Variants in LRRK1 observed in about 807,000 individuals in gnomAD.
LRRK1 encodes the protein leucine rich repeat kinase 1.
LRRK1 carries 113 observed loss-of-function variants against 209.1 expected under a neutral mutation model. The ratio of observed to expected loss-of-function variants is 0.54; its 90% confidence interval spans 0.46 to 0.63. LRRK1 has a LOEUF of 0.63. Among genes scored for constraint, LRRK1 ranks in the 30% least tolerant of loss-of-function variants. The pLI is 0.00. For synonymous variants in LRRK1, 1,144 were observed against 1,099.7 expected, an observed-to-expected ratio of 1.04 and a Z score of -0.80; for missense variants, 2,284 against 2,632.2, an observed-to-expected ratio of 0.87 and a Z score of 2.89.
rs150299857 is a variant in LRRK1 at position 101,062,203 on chromosome 15, C to T, written c.4798-371C>T. On this transcript the variant is annotated intron_variant, in intron 30 of 33. Coordinates refer to ENST00000388948, the MANE Select transcript of LRRK1 (RefSeq NM_024652.6). Reference sequence around the variant, plus strand: ...AGGAAAGCAAGGGCTCTGCCTAAAGCATGCTGTCTCACATGGGAAGAACAG... The same window carrying T: ...AGGAAAGCAAGGGCTCTGCCTAAAGTATGCTGTCTCACATGGGAAGAACAG... 3.6e-3 allele frequency among the ~76,000 whole-genome samples: 547 copies of T among 152,350 alleles called. 6 individuals carry two copies. Among genetic ancestry groups the T allele is most frequent in the Admixed American group, 5.5e-3 (84 of 15,298 alleles).
intron 31 of LRRK1, among the ~76,000 whole-genome samples, chr15:101,063,808 T>C (rs62021238): frequency 8.9e-6 from 1 of 112,760 alleles, no homozygotes; most frequent in Non-Finnish European, 1.9e-5. Flanking sequence ...TTCAGTTTCA[T>C]TTAAAAAAAA....
chr15:100,964,292 G>A (rs930829250), intron 2 of LRRK1, among the ~76,000 whole-genome samples: 7 of 152,210 alleles, frequency 4.6e-5, no homozygotes, highest in South Asian at 2.1e-4. Context: ...TCCCAAAGAC[G>A]TCAAGGGTTG....
intron 3 of LRRK1, among the ~76,000 whole-genome samples, chr15:100,976,877 C>T (rs536403733): frequency 6.6e-6 from 1 of 152,294 alleles, no homozygotes; most frequent in African/African-American, 2.4e-5. Context: ...TAATCTCTAG[C>T]AGCTGTTTTG....
Position 101,009,030 on chromosome 15 carries a change from G to A in LRRK1, c.956G>A (p.Gly319Asp), listed in dbSNP as rs1445730152. 1.9e-6 allele frequency: 3 copies of A among 1,614,206 alleles called. No homozygotes were observed. In the East Asian group the frequency reaches 6.7e-5, roughly 36 times the overall value. ...LSDNHLGELP[G>D]VQSSDEIICS... The stretch of plus-strand genomic sequence containing the variant: ...GACAACCACCTGGGGGAGCTGCCTG[G>A]CGTGCAGTCATCGGACGAAATCATC... Residue 319 changes from glycine to aspartate, a missense_variant, in exon 7 of 34, where the codon GGC (glycine) becomes GAC (aspartate). Around this residue, in one of 6 missense-constraint regions of LRRK1, gnomAD observed 494 missense variants for 522.1 expected, o/e 0.95. Transcript: ENST00000388948.
chr15:101,065,437 C>A lies in LRRK1; in HGVS notation c.5000C>A (p.Ser1667Tyr), dbSNP rs760737980. 3 of 1,614,190 alleles carry A rather than the reference C, an allele frequency of 1.9e-6. No individual in the cohort carries two copies. The highest frequency in any genetic ancestry group is 2.5e-6 in the Non-Finnish European group (3 of 1,180,044). The change falls in exon 32 of 34, where the codon TCC becomes TAC. Residue 1667 changes from serine to tyrosine, a missense_variant. This residue lies in a region of LRRK1 where 643 missense variants were observed against 695.9 expected (regional missense o/e 0.92). Coordinates refer to ENST00000388948, the MANE Select transcript of LRRK1 (RefSeq NM_024652.6). ...CGGGGCACCCCAAAGGACAGCTGCTCCTACCTGTGCTCACACACAGCCAAC... is the reference window on the plus strand; with the variant it reads ...CGGGGCACCCCAAAGGACAGCTGCTACTACCTGTGCTCACACACAGCCAAC... ...VVRGTPKDSC[S>Y]YLCSHTANRS...
At chr15:100,960,745 T>A (rs939752478) in intron 2 of LRRK1, among the ~76,000 whole-genome samples, 4 of 152,170 alleles carry the variant, frequency 2.6e-5, no homozygotes, top group African/African-American at 9.7e-5. Context: ...GTACTAAATA[T>A]TTGTAGAACG....
intron 20 of LRRK1, among the ~76,000 whole-genome samples, chr15:101,037,921 CAT>C (rs1451047991): frequency 3.9e-5 from 6 of 152,214 alleles, no homozygotes; most frequent in African/African-American, 4.8e-5. Context: ...CTTGCACACA[CAT>C]GTTTATAACA....
intron 3 of LRRK1, among the ~76,000 whole-genome samples, chr15:100,978,663 G>A (rs980847157): frequency 1.3e-5 from 2 of 152,146 alleles, no homozygotes; most frequent in African/African-American, 2.4e-5. Context: ...AGATGAAAGG[G>A]ACAAATCCTT....
At chr15:101,052,845 T>TA in intron 24 of LRRK1, 77 bp from the exon 25 acceptor site, 1 of 1,505,148 alleles carries the variant, frequency 6.6e-7, no homozygotes, top group Non-Finnish European at 9.0e-7. Flanking sequence ...TCTCGGCCGT[T>TA]GGGGCAAATG....
chr15:100,988,279 T>G (rs1257019210), intron 4 of LRRK1, among the ~76,000 whole-genome samples: 1 of 114,294 alleles, frequency 8.7e-6, no homozygotes, highest in Non-Finnish European at 1.8e-5. Flanking sequence ...AGGTAATTTT[T>G]TAACCTTCCC....
Position 101,073,170 on chromosome 15 carries a change from T to A in LRRK1, c.*4322T>A, listed in dbSNP as rs957242678. On this transcript the variant is annotated 3_prime_UTR_variant, in exon 34 of 34. Transcript: ENST00000388948. ...CTCCTTTCAATCTTGGCGCCACACT[T>A]CAATTTCTCCCTTCTCTTAACTTCA... 1.4e-4 allele frequency: 21 copies of A among 153,304 alleles called. No individual in the cohort carries two copies. Among genetic ancestry groups the A allele is most frequent in the African/African-American group, 4.6e-4 (19 of 41,606 alleles). The allele number at this position is 153,304 out of a possible 1,614,324, so 9.5% of individuals were successfully genotyped here. A position where few individuals can be genotyped will look rare whatever the true frequency, so the allele number is the denominator to read the frequency against.
chr15:100,970,020 C>G (rs1248353363), intron 2 of LRRK1, among the ~76,000 whole-genome samples: 2 of 152,062 alleles, frequency 1.3e-5, no homozygotes, highest in Non-Finnish European at 2.9e-5. Context: ...TTCATAATAG[C>G]TGAGATTACA....
At chr15:100,937,386 T>G (rs2042319654) in intron 2 of LRRK1, among the ~76,000 whole-genome samples, 1 of 152,122 alleles carries the variant, frequency 6.6e-6, no homozygotes, top group South Asian at 2.1e-4. Flanking sequence ...CCTTTTTTAT[T>G]GGCCTCAGAA....
intron 2 of LRRK1, 58 bp downstream of exon 2, chr15:100,924,787 A>G (rs1413740251): frequency 1.5e-6 from 2 of 1,296,790 alleles, no homozygotes; most frequent in South Asian, 1.2e-5. Context: ...CTCATCCTGC[A>G]GGGTGTCTAG....
chr15:101,019,796 C>G lies in LRRK1; in HGVS notation c.1610-1257C>G, dbSNP rs539475058. On this transcript the variant is annotated intron_variant, in intron 12 of 33. Transcript: ENST00000388948. ...GCTCCCAGGCATGCTGTCCTGCCCC[C>G]TCTCCAGGCCTTAGTAGGGAGGATA... Among the ~76,000 whole-genome samples, 7 of 152,340 alleles carry G rather than the reference C, an allele frequency of 4.6e-5. No homozygotes were observed. The South Asian group carries it at 1.5e-3, about 32-fold the overall frequency.
At chr15:100,980,285 A>G (rs28761010) in intron 3 of LRRK1, among the ~76,000 whole-genome samples, 76,533 of 139,428 alleles carry the variant, frequency 0.55, 19,792 homozygotes, top group South Asian at 0.65. Flanking sequence ...CATTATGCTG[A>G]TTTAAAAAAA....
In LRRK1 at chr15:101,015,352, G is replaced by A. The variant is rs2033482549; in HGVS notation, c.1559G>A (p.Arg520His). 6 of 1,613,874 alleles carry A rather than the reference G, an allele frequency of 3.7e-6. No homozygotes were observed. The highest frequency in any genetic ancestry group is 5.1e-6 in the Non-Finnish European group (6 of 1,179,868). ...GKNEDGLKTK[R>H]IAFFTTRGRQ... ...AATGAAGATGGACTGAAAACGAAGC[G>A]TATTGCCTTTTTCACCACCAGAGGT... Residue 520 changes from arginine (R) to histidine (H), a missense_variant, in exon 12 of 34, where the codon CGT becomes CAT. Arg to His is a conservative substitution (Grantham distance 29, BLOSUM62 0). Coordinates refer to ENST00000388948, the MANE Select transcript of LRRK1 (RefSeq NM_024652.6).
rs561512377 is a variant in LRRK1 at position 100,942,747 on chromosome 15, A to G, written c.97+18018A>G. Among the ~76,000 whole-genome samples the G allele has an allele frequency of 3.6e-3, 551 of 152,292 alleles. 4 individuals carry two copies. The highest frequency in any genetic ancestry group is 0.027 in the Middle Eastern group (8 of 294). ...ATGTCTCACTGAAGAAAACTGGTAC[A>G]GTGTGAAGTTCGACAATTCACGGAG... On this transcript the variant is annotated intron_variant, in intron 2 of 33. Transcript: ENST00000388948.
Position 101,074,405 on chromosome 15 carries a change from T to C in LRRK1, c.*5557T>C, listed in dbSNP as rs553771741. ...CTGGAGCTAAAGGCATAGTCAAGGT[T>C]AATGCTCCTTTTTCTTTATCCCAAA... On this transcript the variant is annotated 3_prime_UTR_variant, in exon 34 of 34. Transcript: ENST00000388948. 2.0e-5 allele frequency: 3 copies of C among 152,338 alleles called. No individual in the cohort carries two copies. The highest frequency in any genetic ancestry group is 2.0e-4 in the Admixed American group (3 of 15,304). The allele number at this position is 152,338 out of a possible 1,614,324, so 9.4% of individuals were successfully genotyped here.
Sources: gnomAD v4.1 joint callset for allele counts (sites outside exome capture counted in the v4.1 genomes callset) on GRCh38, gnomAD v4.1.1 for gene constraint, gnomAD v4.1.1 regional missense constraint, MANE v1.5 for transcripts, NCBI Gene and HGNC (gene_info 2026-07-23, HGNC 2026-07-21) for gene names.